GPC5: variants seen among roughly 807,000 people sequenced by gnomAD.
GPC5 encodes glypican-5.
Under a neutral mutation model 53.9 loss-of-function variants are expected in GPC5, and 47 were observed. The observed-to-expected ratio is 0.87, with a 90% CI of 0.69 to 1.11. GPC5 has a LOEUF of 1.11. Ranked by LOEUF, GPC5 falls within the 50% of genes most tolerant of loss-of-function variation. The pLI, the probability that GPC5 is intolerant of heterozygous loss-of-function variation, is 0.00. For missense variants in GPC5, 748 were observed against 713.1 expected (o/e 1.05, Z -0.56); for synonymous variants, 286 against 263.3 (o/e 1.09, Z -0.84).
At chr13:91,815,974 T>G (rs1216568979) in intron 5 of GPC5, among the ~76,000 whole-genome samples, 1 of 152,150 alleles carries the variant, frequency 6.6e-6, no homozygotes, top group Non-Finnish European at 1.5e-5. Context: ...TATTTGATTA[T>G]GTTAGGAGAG....
intron 5 of GPC5, among the ~76,000 whole-genome samples, chr13:91,861,840 T>C (rs1247738430): frequency 6.6e-6 from 1 of 151,488 alleles, no homozygotes; most frequent in Non-Finnish European, 1.5e-5. Context: ...GCTTTTTTAC[T>C]GAGTTATTTG....
At chr13:91,577,838 A>G (rs1304440205) in intron 2 of GPC5, among the ~76,000 whole-genome samples, 2 of 152,170 alleles carry the variant, frequency 1.3e-5, no homozygotes, top group Non-Finnish European at 2.9e-5. Context: ...TGGTGGCTAT[A>G]TGTGGTGGTT....
chr13:91,399,363 C>A (rs1367646166), intron 1 of GPC5, among the ~76,000 whole-genome samples, 154 bp downstream of exon 1: 1 of 152,138 alleles, frequency 6.6e-6, no homozygotes, highest in African/African-American at 2.4e-5. Context: ...ATGCTTGGTG[C>A]GGGTAGCCTG....
intron 5 of GPC5, among the ~76,000 whole-genome samples, chr13:91,855,360 T>C (rs1431353102): frequency 6.6e-6 from 1 of 151,658 alleles, no homozygotes; most frequent in Admixed American, 6.6e-5. Context: ...ATCTGTAAAA[T>C]GTATACTTTC....
intron 4 of GPC5, among the ~76,000 whole-genome samples, chr13:91,754,698 G>A (rs971282185): frequency 6.6e-6 from 1 of 152,046 alleles, no homozygotes; most frequent in Admixed American, 6.6e-5. Context: ...CCTCAATTAT[G>A]TTTTAATAGC....
chr13:92,413,091 T>C (rs1457412861), intron 7 of GPC5, among the ~76,000 whole-genome samples: 1 of 152,192 alleles, frequency 6.6e-6, no homozygotes, highest in East Asian at 1.9e-4. Context: ...TTTTTCTATT[T>C]CCATTTTATA....
chr13:92,711,321 C>G (rs1483054197), intron 7 of GPC5, among the ~76,000 whole-genome samples: 1 of 152,132 alleles, frequency 6.6e-6, no homozygotes, highest in Non-Finnish European at 1.5e-5. Flanking sequence ...TGAAATTTCA[C>G]CAAAATACTT....
chr13:92,542,639 A>G (rs1339091016), intron 7 of GPC5, among the ~76,000 whole-genome samples: 1 of 152,000 alleles, frequency 6.6e-6, no homozygotes, highest in Non-Finnish European at 1.5e-5. Context: ...TTCCAGATGT[A>G]AGACTCACTT....
intron 7 of GPC5, among the ~76,000 whole-genome samples, chr13:92,724,031 T>C (rs1888572205): frequency 6.6e-6 from 1 of 151,626 alleles, no homozygotes; most frequent in South Asian, 2.1e-4. Context: ...CATTTTTTGC[T>C]CTTTTAATGT....
intron 6 of GPC5, among the ~76,000 whole-genome samples, chr13:92,132,802 C>G (rs1484566209): frequency 6.6e-6 from 1 of 151,956 alleles, no homozygotes; most frequent in Non-Finnish European, 1.5e-5. Context: ...TATTTCAACC[C>G]ATAACATATA....
intron 7 of GPC5, among the ~76,000 whole-genome samples, chr13:92,175,847 C>T (rs2042105417): frequency 6.6e-6 from 1 of 151,870 alleles, no homozygotes; most frequent in African/African-American, 2.4e-5. Context: ...AGGCTAAATA[C>T]AAGACCCCGT....
At chr13:91,962,070 T>C (rs1374968834) in intron 6 of GPC5, among the ~76,000 whole-genome samples, 1 of 152,174 alleles carries the variant, frequency 6.6e-6, no homozygotes, top group African/African-American at 2.4e-5. Flanking sequence ...CTTCATATGG[T>C]TAAATTCATT....
chr13:91,625,487 CT>C (rs2033974644), intron 2 of GPC5, among the ~76,000 whole-genome samples: 1 of 151,786 alleles, frequency 6.6e-6, no homozygotes, highest in South Asian at 2.1e-4. Context: ...GCTATTATCT[CT>C]AGTCATTTAG....
intron 6 of GPC5, among the ~76,000 whole-genome samples, chr13:92,124,774 C>T (rs950581052): frequency 6.6e-6 from 1 of 152,118 alleles, no homozygotes; most frequent in African/African-American, 2.4e-5. Flanking sequence ...GAGACCACTA[C>T]TCTAGGTCAT....
intron 6 of GPC5, among the ~76,000 whole-genome samples, chr13:91,997,575 G>A (rs1257144853): frequency 1.3e-5 from 2 of 152,216 alleles, no homozygotes; most frequent in African/African-American, 4.8e-5. Flanking sequence ...CAGGAGTGCA[G>A]TGGCGTGATC....
At chr13:91,779,077 C>T (rs138396239) in intron 5 of GPC5, among the ~76,000 whole-genome samples, 2,109 of 152,280 alleles carry the variant, frequency 0.014, 29 homozygotes, top group Non-Finnish European at 0.016. Flanking sequence ...TTGGAAGTTG[C>T]TCTGGGTGAG....
At chr13:92,203,988 A>G (rs2042314808) in intron 7 of GPC5, among the ~76,000 whole-genome samples, 1 of 152,216 alleles carries the variant, frequency 6.6e-6, no homozygotes, top group Non-Finnish European at 1.5e-5. Flanking sequence ...TGAAGTCAGA[A>G]TGCAGTGGTT....
chr13:91,806,344 G>C (rs1158358869), intron 5 of GPC5, among the ~76,000 whole-genome samples: 1 of 151,598 alleles, frequency 6.6e-6, no homozygotes, highest in East Asian at 1.9e-4. Context: ...CAAATGCAAT[G>C]AATTTTTTAT....
At chr13:92,785,842 A>G (rs1460919634) in intron 7 of GPC5, among the ~76,000 whole-genome samples, 1 of 152,112 alleles carries the variant, frequency 6.6e-6, no homozygotes, top group Admixed American at 6.5e-5. Context: ...TTTCCTTTCT[A>G]AGATGAAGGT....
Sources: allele counts gnomAD v4.1 joint callset (sites outside exome capture counted in the v4.1 genomes callset), GRCh38; gene constraint gnomAD v4.1.1; transcripts MANE v1.5; gene names NCBI Gene and HGNC (gene_info 2026-07-23, HGNC 2026-07-21).